The following FOCAD variants were observed in gnomAD, a reference collection of about 807,000 sequenced individuals.
FOCAD encodes KIAA1797.
A neutral mutation model predicts 225.6 loss-of-function variants in FOCAD; 198 were observed. The ratio of observed to expected loss-of-function variants is 0.88; its 90% confidence interval spans 0.78 to 0.99. The LOEUF is 0.99. Ranked by LOEUF, FOCAD falls within the 50% of genes least tolerant of loss-of-function variation. The pLI is 0.00. For missense variants in FOCAD, 2,713 were observed against 2,123.6 expected, an observed-to-expected ratio of 1.28 and a Z score of -5.46; for synonymous variants, 897 against 755.0, an observed-to-expected ratio of 1.19 and a Z score of -3.08.
At chr9:20,965,520 C>A (rs1412988098) in intron 35 of FOCAD, among the ~76,000 whole-genome samples, 1 of 152,074 alleles carries the variant, frequency 6.6e-6, no homozygotes, top group African/African-American at 2.4e-5. Flanking sequence ...TTCTAAGCTT[C>A]TTATGCTTTT....
chr9:20,764,952 A>C lies in FOCAD; in HGVS notation c.578A>C (p.Lys193Thr), dbSNP rs1259857366. Residue 193 changes from lysine (K) to threonine (T), a missense_variant, in exon 7 of 44, where the codon AAA becomes ACA. By Grantham distance (78) the Lys-to-Thr change is moderately conservative. Transcript: ENST00000338382. The stretch of plus-strand genomic sequence containing the variant: ...CCATCTCAGTTACAAGAATATGCTA[A>C]ACTCCGACTAGCCCTGCTGAAAGTC... The part of the protein sequence containing the change: ...CEPSQLQEYA[K>T]LRLALLKVLL... The C allele has an allele frequency of 6.2e-7, 1 of 1,613,980 alleles. No homozygotes were observed. The highest frequency in any genetic ancestry group is 2.2e-5 in the East Asian group (1 of 44,882).
At chr9:20,891,905 A>T (rs1434266237) in intron 21 of FOCAD, among the ~76,000 whole-genome samples, 1 of 152,186 alleles carries the variant, frequency 6.6e-6, no homozygotes, top group African/African-American at 2.4e-5. Flanking sequence ...TCAGTGCCTG[A>T]AGGACAGGCT....
At chr9:20,737,070 A>G (rs983064815) in intron 4 of FOCAD, among the ~76,000 whole-genome samples, 8 of 152,188 alleles carry the variant, frequency 5.3e-5, no homozygotes, top group Admixed American at 1.3e-4. Context: ...TTCAAAAATT[A>G]TAATCTACTC....
chr9:20,776,542 T>C (rs1044635901), intron 8 of FOCAD, among the ~76,000 whole-genome samples: 5 of 152,242 alleles, frequency 3.3e-5, no homozygotes, highest in African/African-American at 1.2e-4. Flanking sequence ...CCATTTACTT[T>C]TCCTTATTTT....
At chr9:20,811,087 A>G (rs1252151475) in intron 11 of FOCAD, among the ~76,000 whole-genome samples, 2 of 152,112 alleles carry the variant, frequency 1.3e-5, no homozygotes, top group East Asian at 1.9e-4. Flanking sequence ...CATAGAATCA[A>G]ATAATTGCAA....
At chr9:20,869,814 T>A (rs1328949810) in intron 18 of FOCAD, among the ~76,000 whole-genome samples, 2 of 152,214 alleles carry the variant, frequency 1.3e-5, no homozygotes, top group African/African-American at 4.8e-5. Context: ...TATATTTTGT[T>A]GGTTTGTAAC....
intron 10 of FOCAD, among the ~76,000 whole-genome samples, chr9:20,785,667 G>A (rs1489155323): frequency 3.3e-5 from 5 of 151,986 alleles, no homozygotes; most frequent in South Asian, 2.1e-4. Flanking sequence ...TTTTGTTGAC[G>A]AACTTTTGGC....
upstream of FOCAD, among the ~76,000 whole-genome samples, chr9:20,656,917 G>A (rs199948764): frequency 7.7e-4 from 117 of 151,696 alleles, no homozygotes; most frequent in East Asian, 6.6e-3. Context: ...GGCTGGTACC[G>A]GTTGTTCCTT....
At chr9:20,828,582 C>T (rs1430103643) in intron 15 of FOCAD, among the ~76,000 whole-genome samples, 1 of 151,980 alleles carries the variant, frequency 6.6e-6, no homozygotes, top group African/African-American at 2.4e-5. Context: ...TTCTGCACAT[C>T]CTCACCAACA....
At chr9:20,692,201 G>A (rs903783837) in intron 1 of FOCAD, among the ~76,000 whole-genome samples, 2 of 152,044 alleles carry the variant, frequency 1.3e-5, no homozygotes, top group African/African-American at 4.8e-5. Context: ...ACTAAACTCT[G>A]AAATTTCCTT....
At chr9:20,836,857 A>G (rs944473522) in intron 15 of FOCAD, among the ~76,000 whole-genome samples, 2 of 152,088 alleles carry the variant, frequency 1.3e-5, no homozygotes, top group Non-Finnish European at 2.9e-5. Flanking sequence ...GCTTAAAAAG[A>G]AAACAATTAT....
At chr9:20,718,465 A>C (rs891807963) in intron 3 of FOCAD, among the ~76,000 whole-genome samples, 1 of 152,200 alleles carries the variant, frequency 6.6e-6, no homozygotes, top group Admixed American at 6.5e-5. Flanking sequence ...AGGTGTTCTC[A>C]GGTGTCCTCT....
At position 20,671,422 on chromosome 9, in the gene FOCAD, A is replaced by T. The variant is rs560580728; in HGVS notation, c.-78+12596A>T. Among the ~76,000 whole-genome samples the T allele has an allele frequency of 2.0e-5, 3 of 152,304 alleles. No individual in the cohort carries two copies. In the South Asian group the frequency reaches 6.2e-4, roughly 32 times the overall value. ...TCTTCTAAAATCCTTAAGCTTGAAG[A>T]ATGGCTTCAGCCCAGAACAAGCTTT... On this transcript the variant is annotated intron_variant, in intron 2 of 45. Transcript: ENST00000380249.
At position 20,929,568 on chromosome 9, in the gene FOCAD, C is replaced by A; in HGVS notation, c.3289C>A (p.Leu1097Ile). 6.2e-7 allele frequency: 1 copy of A among 1,614,068 alleles called. No individual in the cohort carries two copies. Among genetic ancestry groups the A allele is most frequent in the Non-Finnish European group, 8.5e-7 (1 of 1,179,974 alleles). Residue 1097 changes from leucine to isoleucine, a missense_variant, in exon 27 of 44, where the codon CTC becomes ATC. Coordinates refer to ENST00000338382, the MANE Select transcript of FOCAD (RefSeq NM_001375567.1). The stretch of plus-strand genomic sequence containing the variant: ...CATGGGCCTTGCTTTAGGGATGTTT[C>A]TCTCTCGCTTGTGTGAAGAGAAACT... ...IHMGLALGMFLSRLCEEKLSD... is the reference protein window; with the variant it reads ...IHMGLALGMFISRLCEEKLSD...
At position 20,749,662 on chromosome 9, in the gene FOCAD, A is replaced by G. The variant is rs554136029; in HGVS notation, c.393-8428A>G. 4.3e-4 allele frequency among the ~76,000 whole-genome samples: 65 copies of G among 152,324 alleles called. 1 individual carries two copies. Among genetic ancestry groups the G allele is most frequent in the African/African-American group, 1.4e-3 (60 of 41,582 alleles). On this transcript the variant is annotated intron_variant, in intron 5 of 43. Transcript: ENST00000338382. ...CTGAAAGCACCAGGGTCACAGCTGC[A>G]TACATGAAAATGCATGGTGACTGCA... is the stretch of plus-strand genomic sequence containing the variant.
At chr9:20,802,282 C>T (rs914655147) in intron 11 of FOCAD, among the ~76,000 whole-genome samples, 1 of 151,972 alleles carries the variant, frequency 6.6e-6, no homozygotes, top group African/African-American at 2.4e-5. Flanking sequence ...CTAAAGAAAA[C>T]AAGCATGTAA....
chr9:20,793,051 A>G (rs1475015336), intron 11 of FOCAD, among the ~76,000 whole-genome samples: 2 of 152,190 alleles, frequency 1.3e-5, no homozygotes, highest in African/African-American at 2.4e-5. Flanking sequence ...ACCGAATTCT[A>G]TGAATTGCTA....
intron 23 of FOCAD, among the ~76,000 whole-genome samples, chr9:20,914,614 T>G (rs895453471): frequency 2.7e-4 from 41 of 151,908 alleles, no homozygotes; most frequent in African/African-American, 9.7e-4. Context: ...GCCCTGGGAG[T>G]GTACCTGGCA....
At chr9:20,740,490 G>A (rs1370612489) in intron 5 of FOCAD, 150 bp downstream of exon 5, 3 of 498,378 alleles carry the variant, frequency 6.0e-6, no homozygotes, top group African/African-American at 2.0e-5. Flanking sequence ...GGAAGTTAGC[G>A]TTTCAAAGAC....
Sources: gnomAD v4.1 joint callset for allele counts (sites outside exome capture counted in the v4.1 genomes callset) on GRCh38, gnomAD v4.1.1 for gene constraint, MANE v1.5 for transcripts, NCBI Gene and HGNC (gene_info 2026-07-23, HGNC 2026-07-21) for gene names.